Variants in PREX1 observed in about 807,000 individuals in gnomAD.
The protein encoded by PREX1 is phosphatidylinositol 3,4,5-trisphosphate-dependent Rac exchanger 1 protein.
In PREX1, 41 loss-of-function variants were observed where a neutral mutation model predicts 198.3. That is an observed-to-expected ratio of 0.21 (90% confidence interval 0.16 to 0.27). The LOEUF (loss-of-function observed/expected upper bound fraction) is 0.27, where lower values mean the gene tolerates loss of function less well. Among genes scored for constraint, PREX1 ranks in the 10% least tolerant of loss-of-function variants. The pLI is 1.00. For synonymous variants in PREX1, 843 were observed against 887.2 expected (o/e 0.95, Z 0.89); for missense variants, 1,620 against 2,200.7 (o/e 0.74, Z 5.28).
chr20:48,848,148 T>C, the PREX1 span, among the ~76,000 whole-genome samples: 20 of 152,354 alleles, frequency 1.3e-4, no homozygotes, highest in African/African-American at 4.8e-4. Context: ...GATTAACTTT[T>C]ATGAGAAATT....
intron 6 of PREX1, among the ~76,000 whole-genome samples, chr20:48,704,676 C>T (rs967385658): frequency 3.9e-5 from 6 of 152,160 alleles, no homozygotes; most frequent in African/African-American, 1.4e-4. Flanking sequence ...CTGCCGCAGT[C>T]TCCCGAGTAA....
At chr20:48,804,143 C>T (rs2869675) in intron 1 of PREX1, among the ~76,000 whole-genome samples, 30,539 of 152,206 alleles carry the variant, frequency 0.2, 3,390 homozygotes, top group Middle Eastern at 0.3. Flanking sequence ...TACGTGACAA[C>T]GACTGGATAG....
chr20:48,786,687 G>T (rs996586856), intron 1 of PREX1, among the ~76,000 whole-genome samples: 1 of 151,480 alleles, frequency 6.6e-6, no homozygotes, highest in African/African-American at 2.4e-5. Context: ...AGAGGTTGCA[G>T]TGAGCCAAGA....
intron 1 of PREX1, among the ~76,000 whole-genome samples, chr20:48,753,634 C>T (rs918779862): frequency 3.3e-5 from 5 of 152,172 alleles, no homozygotes; most frequent in East Asian, 1.9e-4. Flanking sequence ...CCTCTTCCAC[C>T]GCCCAAATAC....
the PREX1 span, among the ~76,000 whole-genome samples, chr20:48,839,957 A>G: frequency 6.6e-6 from 1 of 152,328 alleles, no homozygotes; most frequent in Non-Finnish European, 1.5e-5. Flanking sequence ...TAAAACTTCC[A>G]TTACATTTGA....
chr20:48,696,653 G>A (rs373933571), intron 7 of PREX1, among the ~76,000 whole-genome samples: 31 of 150,002 alleles, frequency 2.1e-4, no homozygotes, highest in African/African-American at 7.4e-4. Flanking sequence ...ACATACACAC[G>A]TACACACGTA....
intron 14 of PREX1, among the ~76,000 whole-genome samples, chr20:48,668,037 C>T (rs928673291): frequency 1.3e-5 from 2 of 152,176 alleles, no homozygotes; most frequent in Middle Eastern, 3.2e-3. Flanking sequence ...GAGTGCCCCA[C>T]CTCCCTTCAG....
chr20:48,804,906 G>A (rs946340336), intron 1 of PREX1, among the ~76,000 whole-genome samples: 6 of 152,172 alleles, frequency 3.9e-5, no homozygotes, highest in Non-Finnish European at 7.4e-5. Context: ...GCGGGGAGGA[G>A]GCAGCAAGTT....
At chr20:48,739,577 T>G (rs1031590304) in intron 3 of PREX1, among the ~76,000 whole-genome samples, 1 of 152,204 alleles carries the variant, frequency 6.6e-6, no homozygotes, top group Non-Finnish European at 1.5e-5. Flanking sequence ...CACTGGCATC[T>G]GAAATGACCT....
intron 4 of PREX1, among the ~76,000 whole-genome samples, chr20:48,728,437 G>T (rs532072398): frequency 6.6e-6 from 1 of 152,356 alleles, no homozygotes; most frequent in South Asian, 2.1e-4. Flanking sequence ...GCCTCTTAGG[G>T]ATCACAATAA....
At chr20:48,650,317 AC>A (rs1208508163) in intron 23 of PREX1, 111 bp from the exon 24 acceptor site, 6 of 1,038,800 alleles carry the variant, frequency 5.8e-6, no homozygotes, top group Non-Finnish European at 8.5e-6. Context: ...CCACAGTTGG[AC>A]AAAATGCCAG....
In PREX1 at chr20:48,651,445, A is replaced by G; in HGVS notation, c.2606T>C (p.Val869Ala). 5 of 1,613,754 alleles carry G rather than the reference A, an allele frequency of 3.1e-6. No homozygotes were observed. Among genetic ancestry groups the G allele is most frequent in the Non-Finnish European group, 4.2e-6 (5 of 1,179,794 alleles). ...GCGGGGCTCCACGATCTTCTCCAGCACATGGCACCTGACGCCTGCCGTGCT... is the reference window on the plus strand; with the variant it reads ...GCGGGGCTCCACGATCTTCTCCAGCGCATGGCACCTGACGCCTGCCGTGCT... ...YVSTAGVRCH[V>A]LEKIVEPRGC... The change falls in exon 22 of 40, where the codon GTG becomes GCG. Residue 869 changes from valine to alanine, a missense_variant. Around this residue, in one of 7 missense-constraint regions of PREX1, gnomAD observed 514 missense variants for 611.6 expected, o/e 0.84. Transcript: ENST00000371941.
In PREX1 at chr20:48,684,035, C is replaced by T. The variant is rs1215223907; in HGVS notation, c.1335-2700G>A. Among the ~76,000 whole-genome samples the T allele has an allele frequency of 6.6e-6, 1 of 152,092 alleles. No homozygotes were observed. The highest frequency in any genetic ancestry group is 2.4e-5 in the African/African-American group (1 of 41,418). ...GACAGTGTGAGGAGAGCTGGAGATA[C>T]AAGGAGAAGGCAATCTAGCTTGATG... On this transcript the variant is annotated intron_variant, in intron 10 of 39. Coordinates refer to ENST00000371941, the MANE Select transcript of PREX1 (RefSeq NM_020820.4). This position sits in a 1 kb window ranked among gnomAD's most constrained non-coding sequence, Gnocchi z 4.2.
intron 25 of PREX1, among the ~76,000 whole-genome samples, chr20:48,647,582 C>T (rs898609414): frequency 6.7e-6 from 1 of 149,026 alleles, no homozygotes; most frequent in Non-Finnish European, 1.5e-5. Context: ...GTGATGAATA[C>T]GCCCAGCTAG....
At chr20:48,773,753 T>G (rs766042266) in intron 1 of PREX1, among the ~76,000 whole-genome samples, 1 of 152,028 alleles carries the variant, frequency 6.6e-6, no homozygotes, top group Non-Finnish European at 1.5e-5. Flanking sequence ...TGGGCCACAG[T>G]GGGGTCTTCA....
At position 48,691,124 on chromosome 20, in the gene PREX1, G is replaced by A. The variant is rs1279928830; in HGVS notation, c.1037-28C>T. On this transcript the variant is annotated intron_variant, in intron 8 of 39. Coordinates refer to ENST00000371941, the MANE Select transcript of PREX1 (RefSeq NM_020820.4). The surrounding 1 kb of genome is among the most constrained non-coding windows in gnomAD (Gnocchi z 5.0). ...GGTGGGGGCAGGAGGCAAAGGTGCA[G>A]CAGAGACTCAGCCGCGTGACCTTCA... The A allele has an allele frequency of 1.2e-6, 2 of 1,614,016 alleles. No individual in the cohort carries two copies. Among genetic ancestry groups the A allele is most frequent in the Admixed American group, 3.3e-5 (2 of 60,020 alleles).
rs2123045808 is a variant in PREX1 at position 48,691,184 on chromosome 20, C to T, written c.1037-88G>A. The T allele has an allele frequency of 6.5e-7, 1 of 1,536,076 alleles. No homozygotes were observed. Among genetic ancestry groups the T allele is most frequent in the South Asian group, 1.1e-5 (1 of 87,350 alleles). ...ATTGCCAAGCCCTTCCGCCCCAGCA[C>T]AGGCAGGGCCCTCGCCTGGATCAGG... On this transcript the variant is annotated intron_variant, in intron 8 of 39. Transcript: ENST00000371941. This position sits in a 1 kb window ranked among gnomAD's most constrained non-coding sequence, Gnocchi z 5.0.
At chr20:48,683,330 C>T (rs1014636433) in intron 10 of PREX1, among the ~76,000 whole-genome samples, 7 of 152,220 alleles carry the variant, frequency 4.6e-5, no homozygotes, top group African/African-American at 1.4e-4. Context: ...CTCTGCCCTA[C>T]GTTTCTGCCC....
At chr20:48,649,194 C>G in intron 25 of PREX1, 106 bp downstream of exon 25, 1 of 1,465,792 alleles carries the variant, frequency 6.8e-7, no homozygotes, top group Non-Finnish European at 9.2e-7. Flanking sequence ...ATGTCCAGGA[C>G]AGCCCACCCC....
Sources: allele counts gnomAD v4.1 joint callset (sites outside exome capture counted in the v4.1 genomes callset), GRCh38; gene constraint gnomAD v4.1.1; regional missense constraint gnomAD v4.1.1; non-coding constraint Gnocchi (gnomAD v3.1); transcripts MANE v1.5; gene names NCBI Gene and HGNC (gene_info 2026-07-23, HGNC 2026-07-21).